Variants in EXOG observed in about 807,000 individuals in gnomAD.
EXOG encodes exo/endonuclease G.
EXOG carries 27 observed loss-of-function variants against 25.8 expected under a neutral mutation model. That is an observed-to-expected ratio of 1.05 (90% CI 0.77 to 1.45). The LOEUF (loss-of-function observed/expected upper bound fraction) is 1.45, where lower values mean the gene tolerates loss of function less well. Among genes scored for constraint, EXOG ranks in the 40% most tolerant of loss-of-function variants. EXOG has a pLI of 0.00. For missense variants in EXOG, 458 were observed against 450.5 expected, an observed-to-expected ratio of 1.02 and a Z score of -0.15; for synonymous variants, 133 against 167.0, an observed-to-expected ratio of 0.80 and a Z score of 1.57.
intron 5 of EXOG, chr3:38,513,954 G>T (rs919470294): frequency 1.3e-5 from 2 of 152,290 alleles, no homozygotes; most frequent in African/African-American, 4.8e-5. Flanking sequence ...GTGAGATAGG[G>T]CAGAAGCCTA....
rs757328029 is a variant in EXOG, at chr3:38,524,202, T to C, written c.947T>C (p.Ile316Thr). Reference protein sequence around the residue: ...EFTLYLSTRKIEGARSVLRLE... With the variant: ...EFTLYLSTRKTEGARSVLRLE... ...ACCTTGTACTTGAGTACAAGAAAGA[T>C]TGAAGGAGCCCGATCAGTGCTCAGA... Residue 316 changes from isoleucine to threonine, a missense_variant, in exon 6 of 6, where the codon ATT (isoleucine) becomes ACT (threonine). Around this residue, in one of 3 missense-constraint regions of EXOG, gnomAD observed 178 missense variants for 203.7 expected, o/e 0.87. Transcript: ENST00000287675. 2.5e-6 allele frequency: 4 copies of C among 1,614,150 alleles called. No homozygotes were observed. Among genetic ancestry groups the C allele is most frequent in the East Asian group, 2.2e-5 (1 of 44,872 alleles).
rs186145587 is a variant in EXOG, at chr3:38,497,435, C to T, written c.164-194C>T. On this transcript the variant is annotated intron_variant, in intron 1 of 5. Coordinates refer to ENST00000287675, the MANE Select transcript of EXOG (RefSeq NM_005107.4). ...GATTATAGGCAAATCAGTACTTTGC[C>T]TACTGTCTGTTTTCTTCATCTCATA... The T allele has an allele frequency of 1.7e-5, 23 of 1,349,424 alleles. No individual in the cohort carries two copies. In the Admixed American group the frequency reaches 1.8e-4, roughly 11 times the overall value. The allele number at this position is 1,349,424 out of a possible 1,614,324, so 83.6% of individuals were successfully genotyped here.
In EXOG at chr3:38,525,392, T is replaced by C. The variant is rs2060845369; in HGVS notation, c.*1030T>C. On this transcript the variant is annotated 3_prime_UTR_variant, in exon 6 of 6. Transcript: ENST00000287675. ...CATGGGTATTTGTGGGCCTGAGGCATGCTTGGCAAGAAGAGTCTGGTTTCT... is the reference window on the plus strand; with the variant it reads ...CATGGGTATTTGTGGGCCTGAGGCACGCTTGGCAAGAAGAGTCTGGTTTCT... 5.1e-6 allele frequency: 5 copies of C among 985,436 alleles called. No individual in the cohort carries two copies. The highest frequency in any genetic ancestry group is 6.0e-6 in the Non-Finnish European group (5 of 829,938). The allele number at this position is 985,436 out of a possible 1,614,324, so 61.0% of individuals were successfully genotyped here.
At chr3:38,520,602 TC>T (rs2060685812) in intron 5 of EXOG, among the ~76,000 whole-genome samples, 1 of 152,160 alleles carries the variant, frequency 6.6e-6, no homozygotes, top group Non-Finnish European at 1.5e-5. Flanking sequence ...ATTATACGTT[TC>T]CCCCGCCCCC....
intron 3 of EXOG, among the ~76,000 whole-genome samples, chr3:38,502,459 C>G (rs1333303667): frequency 2.6e-5 from 4 of 152,080 alleles, no homozygotes; most frequent in African/African-American, 9.7e-5. Flanking sequence ...AATAGTACAA[C>G]AAACATTGAT....
chr3:38,523,142 T>G, intron 5 of EXOG: 1 of 1,221,050 alleles, frequency 8.2e-7, no homozygotes, highest in Non-Finnish European at 1.1e-6. Context: ...CTAGTGAATT[T>G]CATAAACTAA....
chr3:38,508,872 T>A (rs1039768989), intron 5 of EXOG, among the ~76,000 whole-genome samples: 2 of 152,210 alleles, frequency 1.3e-5, no homozygotes, highest in Non-Finnish European at 2.9e-5. Context: ...CACACAAAAT[T>A]ATGACCCAAC....
chr3:38,496,397 C>T lies in EXOG; in HGVS notation c.30C>T (p.Leu10=). The part of the protein sequence containing the change: MAIKSIASR[L]RGSRRFLSGF... ...CTATCAAGAGTATCGCTTCCCGCCT[C>T]CGGGGTTCCCGTCGTTTTCTGAGCG... The change falls in exon 1 of 6, where the codon CTC becomes CTT. Residue 10 remains leucine (L), a synonymous_variant. Transcript: ENST00000287675. 3 of 1,614,016 alleles carry T rather than the reference C, an allele frequency of 1.9e-6. No homozygotes were observed. Among genetic ancestry groups the T allele is most frequent in the South Asian group, 2.2e-5 (2 of 91,068 alleles).
chr3:38,525,825 T>C lies in EXOG; in HGVS notation c.*1463T>C. 2.8e-6 allele frequency: 1 copy of C among 351,102 alleles called. No homozygotes were observed. The highest frequency in any genetic ancestry group is 2.2e-5 in the African/African-American group (1 of 45,110). The allele number at this position is 351,102 out of a possible 1,614,324, so 21.7% of individuals were successfully genotyped here. ...TGGGCGTGGTGGTGCACACCTGTAGTCCCAGCTACTCGGGAGGCTGAAATG... is the reference window on the plus strand; with the variant it reads ...TGGGCGTGGTGGTGCACACCTGTAGCCCCAGCTACTCGGGAGGCTGAAATG... On this transcript the variant is annotated 3_prime_UTR_variant, in exon 6 of 6. Transcript: ENST00000287675.
At chr3:38,520,809 T>C (rs969825147) in intron 5 of EXOG, among the ~76,000 whole-genome samples, 1 of 152,212 alleles carries the variant, frequency 6.6e-6, no homozygotes, top group African/African-American at 2.4e-5. Context: ...GGGATGGCTG[T>C]TACGTATTTT....
At chr3:38,509,776 T>C (rs1482612412) in intron 5 of EXOG, among the ~76,000 whole-genome samples, 1 of 152,208 alleles carries the variant, frequency 6.6e-6, no homozygotes, top group Non-Finnish European at 1.5e-5. Context: ...ATAAACCTAT[T>C]GAATTAAATA....
At chr3:38,503,797 G>A (rs987427138) in intron 4 of EXOG, 106 bp downstream of exon 4, 4 of 671,428 alleles carry the variant, frequency 6.0e-6, no homozygotes, top group Non-Finnish European at 1.0e-5. Context: ...TTTTTCAAAA[G>A]CTAAGCCTCT....
intron 5 of EXOG, chr3:38,523,305 T>G (rs761482395): frequency 1.6e-6 from 2 of 1,282,428 alleles, no homozygotes; most frequent in Non-Finnish European, 2.0e-6. Context: ...TGGCATTCCT[T>G]TGTCCTTTGT....
At chr3:38,522,550 G>A (rs1385687264) in intron 5 of EXOG, among the ~76,000 whole-genome samples, 1 of 152,204 alleles carries the variant, frequency 6.6e-6, no homozygotes, top group Non-Finnish European at 1.5e-5. Flanking sequence ...TGTTGCCCAG[G>A]CTGGAGTGTA....
intron 5 of EXOG, chr3:38,515,890 C>G (rs995357730): frequency 2.6e-5 from 4 of 152,148 alleles, no homozygotes; most frequent in African/African-American, 9.7e-5. Context: ...CATATGAAGG[C>G]AAAACAAAGG....
chr3:38,500,147 A>G (rs1475024659), intron 2 of EXOG: 1 of 156,838 alleles, frequency 6.4e-6, no homozygotes, highest in Non-Finnish European at 1.4e-5. Flanking sequence ...GGAAGATAAA[A>G]AGTTTGTTCC....
Position 38,497,735 on chromosome 3 carries a change from G to C in EXOG, c.270G>C (p.Val90=), listed in dbSNP as rs765775401. Residue 90 remains valine (V), a synonymous_variant, in exon 2 of 6, where the codon GTG becomes GTC. Coordinates refer to ENST00000287675, the MANE Select transcript of EXOG (RefSeq NM_005107.4). The part of the protein sequence containing the change: ...HALSYDQAKR[V]PRWVLEHISK... ...TGTCTTATGATCAGGCAAAGCGGGT[G>C]CCTAGATGGGTTCTTGAACATATTT... 8 of 1,606,518 alleles carry C rather than the reference G, an allele frequency of 5.0e-6. No homozygotes were observed. The South Asian group carries it at 9.0e-5, about 18-fold the overall frequency.
chr3:38,526,286 A>C lies in EXOG; in HGVS notation c.*1924A>C, dbSNP rs2125813506. On this transcript the variant is annotated 3_prime_UTR_variant, in exon 6 of 6. Coordinates refer to ENST00000287675, the MANE Select transcript of EXOG (RefSeq NM_005107.4). ...AGAGAAATGCCAAGGCTTTCAGATA[A>C]AGATAAGATGATAATGATTGACATT... The C allele has an allele frequency of 1.0e-6, 1 of 974,670 alleles. No individual in the cohort carries two copies. Among genetic ancestry groups the C allele is most frequent in the Non-Finnish European group, 1.2e-6 (1 of 820,434 alleles). 60.4% of individuals were successfully genotyped at this position (974,670 alleles called of 1,614,324 possible).
chr3:38,499,017 A>G (rs1340747867), intron 2 of EXOG: 1 of 456,362 alleles, frequency 2.2e-6, no homozygotes, highest in Non-Finnish European at 4.4e-6. Flanking sequence ...TTACCAATTT[A>G]ATGCTCATTT....
Sources: allele counts gnomAD v4.1 joint callset (sites outside exome capture counted in the v4.1 genomes callset), GRCh38; gene constraint gnomAD v4.1.1; regional missense constraint gnomAD v4.1.1; transcripts MANE v1.5; gene names NCBI Gene and HGNC (gene_info 2026-07-23, HGNC 2026-07-21).